The following MIGA1 variants were observed in gnomAD, a reference collection of about 807,000 sequenced individuals.
MIGA1 encodes family with sequence similarity 73, member A.
Under a neutral mutation model 82.0 loss-of-function variants are expected in MIGA1, and 58 were observed. The observed-to-expected ratio is 0.71, with a 90% CI of 0.57 to 0.88. The LOEUF (loss-of-function observed/expected upper bound fraction) is 0.88, where lower values mean the gene tolerates loss of function less well. Ranked by LOEUF, MIGA1 falls within the 40% of genes least tolerant of loss-of-function variation. The probability of loss-of-function intolerance (pLI) is 0.00; values close to 1 mark genes in which losing one functional copy is unlikely to be tolerated. For missense variants in MIGA1, 751 were observed against 749.1 expected (o/e 1.00, Z -0.03); for synonymous variants, 249 against 253.6 (o/e 0.98, Z 0.17).
At chr1:77,854,972 G>A (rs978178858) in intron 8 of MIGA1, among the ~76,000 whole-genome samples, 7 of 152,140 alleles carry the variant, frequency 4.6e-5, no homozygotes, top group African/African-American at 1.7e-4. Context: ...CCTTGCCTAA[G>A]CCAATGTCTA....
intron 7 of MIGA1, among the ~76,000 whole-genome samples, chr1:77,836,968 A>G (rs369057647): frequency 1.3e-5 from 2 of 152,186 alleles, no homozygotes; most frequent in East Asian, 1.9e-4. Flanking sequence ...TTCTCTAATG[A>G]TTACATATGT....
chr1:77,818,093 C>T (rs1040424700), intron 7 of MIGA1, among the ~76,000 whole-genome samples: 1 of 150,726 alleles, frequency 6.6e-6, no homozygotes, highest in African/African-American at 2.4e-5. Flanking sequence ...GTAGCTAGGA[C>T]TACAGGTGTG....
chr1:77,852,433 T>G (rs1685089080), intron 8 of MIGA1, among the ~76,000 whole-genome samples: 1 of 152,200 alleles, frequency 6.6e-6, no homozygotes, highest in Non-Finnish European at 1.5e-5. Flanking sequence ...GAATATATAC[T>G]GTGAGATACT....
chr1:77,860,158 A>G (rs1329717016), intron 11 of MIGA1, 32 bp downstream of exon 11: 4 of 1,521,084 alleles, frequency 2.6e-6, no homozygotes, highest in Admixed American at 1.9e-5. Context: ...GATTTTTACC[A>G]TTTACAAAAG....
chr1:77,826,585 C>T (rs1466893561), intron 7 of MIGA1, among the ~76,000 whole-genome samples: 1 of 152,150 alleles, frequency 6.6e-6, no homozygotes, highest in African/African-American at 2.4e-5. Flanking sequence ...AAGTGATTCT[C>T]CCATTTCAGC....
chr1:77,796,877 G>A (rs1242738519), intron 2 of MIGA1, among the ~76,000 whole-genome samples: 1 of 151,942 alleles, frequency 6.6e-6, no homozygotes, highest in East Asian at 1.9e-4. Flanking sequence ...TTTTACAGCT[G>A]TGCAATCATG....
intron 2 of MIGA1, among the ~76,000 whole-genome samples, chr1:77,788,084 C>T (rs1268749692): frequency 1.3e-5 from 2 of 152,174 alleles, no homozygotes; most frequent in East Asian, 3.9e-4. Context: ...CTCACTGCAA[C>T]CTCCGCCTCC....
chr1:77,796,353 C>T (rs192318369), intron 2 of MIGA1, among the ~76,000 whole-genome samples: 5 of 151,948 alleles, frequency 3.3e-5, no homozygotes, highest in East Asian at 1.9e-4. Flanking sequence ...CTCCTGACCT[C>T]GTGATCCACC....
intron 7 of MIGA1, among the ~76,000 whole-genome samples, chr1:77,829,479 T>C (rs1003802598): frequency 2.0e-5 from 3 of 152,084 alleles, no homozygotes; most frequent in Non-Finnish European, 4.4e-5. Context: ...GTTTTGTTTG[T>C]TTGTTTTGAG....
intron 8 of MIGA1, among the ~76,000 whole-genome samples, chr1:77,844,922 C>G (rs1684780621): frequency 6.6e-6 from 1 of 152,186 alleles, no homozygotes; most frequent in Non-Finnish European, 1.5e-5. Flanking sequence ...ATGGAGGTTG[C>G]AGTGTGCCAA....
chr1:77,783,006 T>C, intron 1 of MIGA1: 1 of 284,268 alleles, frequency 3.5e-6, no homozygotes, highest in African/African-American at 2.3e-5. Context: ...AAATCTAGCT[T>C]TTTTTTTTTT....
chr1:77,844,887 C>T (rs1168076766), intron 8 of MIGA1, among the ~76,000 whole-genome samples: 1 of 152,254 alleles, frequency 6.6e-6, no homozygotes. Context: ...GAGGCTGAGG[C>T]ACAAGAATCG....
In MIGA1 at chr1:77,877,236, T is replaced by C. The variant is rs1279043406; in HGVS notation, c.*2172T>C. On this transcript the variant is annotated 3_prime_UTR_variant, in exon 16 of 16. Transcript: ENST00000370791. ...AAGTGGGCGGGAAAAGCATAATCTT[T>C]TAAGATTTGTAATTTTCTGTATGTG... 1.3e-5 allele frequency: 2 copies of C among 152,216 alleles called. No individual in the cohort carries two copies. Among genetic ancestry groups the C allele is most frequent in the Admixed American group, 6.5e-5 (1 of 15,282 alleles). The allele number at this position is 152,216 out of a possible 1,614,324, so 9.4% of individuals were successfully genotyped here.
At chr1:77,837,984 G>T (rs1359292846) in intron 7 of MIGA1, among the ~76,000 whole-genome samples, 1 of 152,168 alleles carries the variant, frequency 6.6e-6, no homozygotes, top group African/African-American at 2.4e-5. Flanking sequence ...GTCTGGTAAT[G>T]ATTTACAGCA....
At chr1:77,859,174 T>C in intron 9 of MIGA1, 118 bp downstream of exon 9, 2 of 1,003,308 alleles carry the variant, frequency 2.0e-6, no homozygotes, top group Non-Finnish European at 3.1e-6. Flanking sequence ...AAAGAAAAAA[T>C]TATTTTTACA....
At chr1:77,779,928 G>A in intron 1 of MIGA1, 192 bp downstream of exon 1, 1 of 1,381,346 alleles carries the variant, frequency 7.2e-7, no homozygotes, top group East Asian at 2.9e-5. Context: ...GAACACCCCC[G>A]ACCTCGTCTC....
intron 8 of MIGA1, among the ~76,000 whole-genome samples, chr1:77,846,364 A>G (rs974774220): frequency 6.6e-6 from 1 of 152,166 alleles, no homozygotes; most frequent in Admixed American, 6.5e-5. Context: ...TTGTCATTTA[A>G]TAGGTAGAAA....
At chr1:77,850,926 A>G (rs929345433) in intron 8 of MIGA1, among the ~76,000 whole-genome samples, 1 of 151,662 alleles carries the variant, frequency 6.6e-6, no homozygotes, top group Admixed American at 6.6e-5. Flanking sequence ...CTGGAGTGCA[A>G]TGGCACGATC....
intron 12 of MIGA1, among the ~76,000 whole-genome samples, chr1:77,862,931 ACT>A (rs1040420607): frequency 6.7e-5 from 10 of 149,910 alleles, no homozygotes; most frequent in South Asian, 2.1e-4. Flanking sequence ...ACAGAGCAAG[ACT>A]CTGTCTCAGA....
Sources: allele counts gnomAD v4.1 joint callset (sites outside exome capture counted in the v4.1 genomes callset), GRCh38; gene constraint gnomAD v4.1.1; transcripts MANE v1.5; gene names NCBI Gene and HGNC (gene_info 2026-07-23, HGNC 2026-07-21).